The following ZFP28 variants were observed in gnomAD, a reference collection of about 807,000 sequenced individuals.
The protein encoded by ZFP28 is ZFP28 zinc finger protein.
A neutral mutation model predicts 39.5 loss-of-function variants in ZFP28; 31 were observed. That is an observed-to-expected ratio of 0.79 (90% confidence interval 0.59 to 1.06). The LOEUF (loss-of-function observed/expected upper bound fraction) is 1.06. ZFP28 is among the 50% of genes least tolerant of loss of function. The pLI is 0.00. For synonymous variants in ZFP28, 400 were observed against 378.6 expected (o/e 1.06, Z -0.66); for missense variants, 925 against 1,048.4 (o/e 0.88, Z 1.63).
Position 56,555,513 on chromosome 19 carries a change from C to T in ZFP28, c.*121C>T, listed in dbSNP as rs966973843. 7.7e-7 allele frequency: 1 copy of T among 1,305,086 alleles called. No homozygotes were observed. The highest frequency in any genetic ancestry group is 1.5e-5 in the African/African-American group (1 of 67,670). 80.8% of individuals were successfully genotyped at this position (1,305,086 alleles called of 1,614,324 possible). A position where few individuals can be genotyped will look rare whatever the true frequency, so the allele number is the denominator to read the frequency against. ...CACATAAGTGTAAATGTAACTTATT[C>T]ACTCCTCTTGTAAAACTTATAGTTT... is the stretch of plus-strand genomic sequence containing the variant. On this transcript the variant is annotated 3_prime_UTR_variant, in exon 8 of 8. Transcript: ENST00000301318.
chr19:56,545,189 A>G (rs377747649), intron 2 of ZFP28, among the ~76,000 whole-genome samples: 1 of 152,212 alleles, frequency 6.6e-6, no homozygotes, highest in African/African-American at 2.4e-5. Flanking sequence ...CTCATGGTTT[A>G]CACTGCAGGG....
intron 2 of ZFP28, among the ~76,000 whole-genome samples, chr19:56,541,841 T>C (rs1255177707): frequency 6.7e-6 from 1 of 149,864 alleles, no homozygotes; most frequent in Non-Finnish European, 1.5e-5. Context: ...ATGATTCTCC[T>C]TCCTCAGCCT....
upstream of ZFP28, among the ~76,000 whole-genome samples, chr19:56,537,262 G>A (rs1296904913): frequency 6.6e-6 from 1 of 151,884 alleles, no homozygotes; most frequent in African/African-American, 2.4e-5. Context: ...AGTTGGCCAC[G>A]ATCCCTTTGC....
intron 2 of ZFP28, among the ~76,000 whole-genome samples, chr19:56,542,624 T>C (rs540427334): frequency 6.6e-6 from 1 of 152,362 alleles, no homozygotes; most frequent in Admixed American, 6.5e-5. Flanking sequence ...TTTTGCCTAA[T>C]GTCTGATACA....
intron 2 of ZFP28, among the ~76,000 whole-genome samples, chr19:56,542,124 C>A (rs2044200861): frequency 6.6e-6 from 1 of 151,952 alleles, no homozygotes; most frequent in African/African-American, 2.4e-5. Flanking sequence ...TATGAGAAGT[C>A]AGCCCTCAGT....
rs779716229 is a variant in ZFP28, at chr19:56,550,161, A to G, written c.782A>G (p.Asn261Ser). ...NFCKNGIWEN[N>S]SDLGSAGHCV... Reference sequence around the variant, plus strand: ...TGTAAGAATGGGATATGGGAGAACAACAGTGACCTGGGATCAGCAGGTAAG... The same window carrying G: ...TGTAAGAATGGGATATGGGAGAACAGCAGTGACCTGGGATCAGCAGGTAAG... The change falls in exon 6 of 8, where the codon AAC becomes AGC. Residue 261 changes from asparagine (N) to serine (S), a missense_variant. By Grantham distance (46) the Asn-to-Ser change is conservative. Transcript: ENST00000301318. 6.2e-7 allele frequency: 1 copy of G among 1,612,152 alleles called. No individual in the cohort carries two copies. The highest frequency in any genetic ancestry group is 8.5e-7 in the Non-Finnish European group (1 of 1,179,214).
At chr19:56,545,246 C>T (rs1331214525) in intron 2 of ZFP28, among the ~76,000 whole-genome samples, 2 of 152,220 alleles carry the variant, frequency 1.3e-5, no homozygotes, top group Non-Finnish European at 2.9e-5. Flanking sequence ...ATGAGTTTAC[C>T]ATCAAGAGTG....
At chr19:56,545,099 A>G (rs1237782975) in intron 2 of ZFP28, among the ~76,000 whole-genome samples, 3 of 152,232 alleles carry the variant, frequency 2.0e-5, no homozygotes, top group Non-Finnish European at 4.4e-5. Context: ...GTTTTAGACT[A>G]GCTTCCTCAG....
At chr19:56,541,405 G>A (rs1309639306) in intron 2 of ZFP28, among the ~76,000 whole-genome samples, 1 of 152,122 alleles carries the variant, frequency 6.6e-6, no homozygotes, top group Non-Finnish European at 1.5e-5. Flanking sequence ...TTTACTGTGG[G>A]CTTCTTGACT....
At position 56,539,050 on chromosome 19, in the gene ZFP28, A is replaced by G; in HGVS notation, c.32A>G (p.Glu11Gly). MRGAASASVR[E>G]PTPLPGRGAP... ...GGGGCGGCGAGCGCGAGTGTCCGCG[A>G]GCCGACGCCGCTCCCGGGTAGAGGC... Residue 11 changes from glutamate to glycine, a missense_variant, in exon 1 of 8, where the codon GAG (glutamate) becomes GGG (glycine). Glu to Gly is a moderately conservative substitution (Grantham distance 98). Coordinates refer to ENST00000301318, the MANE Select transcript of ZFP28 (RefSeq NM_020828.2). 6.9e-7 allele frequency: 1 copy of G among 1,459,404 alleles called. No individual in the cohort carries two copies. The highest frequency in any genetic ancestry group is 2.6e-5 in the East Asian group (1 of 37,914). 90.4% of individuals were successfully genotyped at this position (1,459,404 alleles called of 1,614,324 possible). A position where few individuals can be genotyped will look rare whatever the true frequency, so the allele number is the denominator to read the frequency against.
chr19:56,549,070 C>T lies in ZFP28; in HGVS notation c.636C>T (p.Tyr212=). Residue 212 remains tyrosine (Y), a synonymous_variant, in exon 5 of 8, where the codon TAC becomes TAT. Transcript: ENST00000301318. ...TERLTSYNLE[Y]SLLGEHWDYD... is the part of the protein sequence containing the mutation. ...GACTCACAAGCTATAATCTGGAGTA[C>T]TCTCTGTTAGGGGAACACTGGGATT... 1.2e-6 allele frequency: 2 copies of T among 1,613,898 alleles called. No individual in the cohort carries two copies. The highest frequency in any genetic ancestry group is 8.5e-7 in the Non-Finnish European group (1 of 1,179,944).
Position 56,547,371 on chromosome 19 carries a change from G to C in ZFP28, c.301-137G>C. 2 of 1,298,680 alleles carry C rather than the reference G, an allele frequency of 1.5e-6. No individual in the cohort carries two copies. The allele number at this position is 1,298,680 out of a possible 1,614,324, so 80.4% of individuals were successfully genotyped here. On this transcript the variant is annotated intron_variant, in intron 2 of 7. Coordinates refer to ENST00000301318, the MANE Select transcript of ZFP28 (RefSeq NM_020828.2). The surrounding 1 kb of genome is among the most constrained non-coding windows in gnomAD (Gnocchi z 4.6). ...TTTGTAGGCCCTGTCTCTAAATACAGTCACATTCAAAAGTACTGGGGATTA... is the reference window on the plus strand; with the variant it reads ...TTTGTAGGCCCTGTCTCTAAATACACTCACATTCAAAAGTACTGGGGATTA...
Position 56,550,112 on chromosome 19 carries a change from C to G in ZFP28, c.733C>G (p.Leu245Val), listed in dbSNP as rs1279726870. Reference protein sequence around the residue: ...KNLAVDFRQQLHPAQKNFCKN... With the variant: ...KNLAVDFRQQVHPAQKNFCKN... ...CCTGGCTGTTGACTTCCGCCAGCAG[C>G]TACACCCAGCTCAGAAGAATTTCTG... The change falls in exon 6 of 8, where the codon CTA becomes GTA. Residue 245 changes from leucine to valine, a missense_variant. Around this residue, in one of 2 missense-constraint regions of ZFP28, gnomAD observed 556 missense variants for 542.9 expected, o/e 1.02. Coordinates refer to ENST00000301318, the MANE Select transcript of ZFP28 (RefSeq NM_020828.2). 2.5e-6 allele frequency: 4 copies of G among 1,613,246 alleles called. No homozygotes were observed. The South Asian group carries it at 4.4e-5, about 18-fold the overall frequency.
chr19:56,548,842 T>G, intron 4 of ZFP28, 116 bp from the exon 5 acceptor site: 1 of 1,111,806 alleles, frequency 9.0e-7, no homozygotes, highest in South Asian at 1.8e-5. Context: ...TTTTCTTCCA[T>G]AAAAATAAAT....
chr19:56,549,860 G>T (rs2044279537), intron 5 of ZFP28, among the ~76,000 whole-genome samples: 2 of 152,126 alleles, frequency 1.3e-5, no homozygotes, highest in Non-Finnish European at 2.9e-5. Flanking sequence ...CTCCATAGCA[G>T]AAAGTTTCTC....
chr19:56,539,789 TG>T, intron 2 of ZFP28, 73 bp downstream of exon 2: 1 of 1,431,156 alleles, frequency 7.0e-7, no homozygotes, highest in East Asian at 2.4e-5. Flanking sequence ...CTTATTTTCT[TG>T]AAAGTTTTCA....
Position 56,539,656 on chromosome 19 carries a change from G to A in ZFP28, c.240G>A (p.Gln80=). 6.2e-7 allele frequency: 1 copy of A among 1,614,110 alleles called. No individual in the cohort carries two copies. The highest frequency in any genetic ancestry group is 8.5e-7 in the Non-Finnish European group (1 of 1,180,014). ...ALPSRDTALP[Q]ERNKKLEAVG... is the part of the protein sequence containing the mutation. ...CTTCCAGGGACACTGCTCTTCCCCA[G>A]GAGAGAAACAAGAAGCTGGAGGCTG... The change falls in exon 2 of 8, where the codon CAG becomes CAA. Residue 80 remains glutamine (Q), a synonymous_variant. Coordinates refer to ENST00000301318, the MANE Select transcript of ZFP28 (RefSeq NM_020828.2).
intron 2 of ZFP28, among the ~76,000 whole-genome samples, chr19:56,543,980 C>T (rs370919754): frequency 3.1e-4 from 47 of 152,292 alleles, no homozygotes; most frequent in African/African-American, 1.1e-3. Flanking sequence ...ATTGCGTAAC[C>T]TTCAGGCAAC....
At chr19:56,548,134 A>G (rs2147955898) in intron 4 of ZFP28, among the ~76,000 whole-genome samples, 1 of 152,360 alleles carries the variant, frequency 6.6e-6, no homozygotes, top group South Asian at 2.1e-4. Context: ...TCCTAACAGG[A>G]AATGGTTACA....
Sources: allele counts gnomAD v4.1 joint callset (sites outside exome capture counted in the v4.1 genomes callset), GRCh38; gene constraint gnomAD v4.1.1; regional missense constraint gnomAD v4.1.1; non-coding constraint Gnocchi (gnomAD v3.1); transcripts MANE v1.5; gene names NCBI Gene and HGNC (gene_info 2026-07-23, HGNC 2026-07-21).